Variants in HERC3 observed in about 807,000 individuals in gnomAD.
HERC3 encodes HECT and RLD domain containing E3 ubiquitin protein ligase 3.
Under a neutral mutation model 129.9 loss-of-function variants are expected in HERC3, and 58 were observed. The observed-to-expected ratio is 0.45, with a 90% confidence interval of 0.36 to 0.56. The LOEUF (loss-of-function observed/expected upper bound fraction) is 0.56, where lower values mean the gene tolerates loss of function less well. Among genes scored for constraint, HERC3 ranks in the 20% least tolerant of loss-of-function variants. The pLI is 0.00. For missense variants in HERC3, 835 were observed against 1,244.2 expected, an observed-to-expected ratio of 0.67 and a Z score of 4.95; for synonymous variants, 430 against 451.0, an observed-to-expected ratio of 0.95 and a Z score of 0.59.
chr4:88,628,434 G>GT lies in HERC3; in HGVS notation c.227-21397dup, dbSNP rs112392731. Reference sequence around the variant, plus strand: ...TTTTTCTACCTTTTATTTACAGTGGGTTTTTTTTTAAAAGGCAGCATATAG... The same window carrying GT: ...TTTTTCTACCTTTTATTTACAGTGGGTTTTTTTTTTAAAAGGCAGCATATAG... On this transcript the variant is annotated intron_variant, in intron 3 of 25. Coordinates refer to ENST00000402738, the MANE Select transcript of HERC3 (RefSeq NM_014606.3). Among the ~76,000 whole-genome samples, 415 of 151,050 alleles carry GT rather than the reference G, an allele frequency of 2.7e-3. 3 individuals are homozygous for GT. The highest frequency in any genetic ancestry group is 9.6e-3 in the African/African-American group (396 of 41,168).
chr4:88,704,863 C>CTTTCTTTTTTTT (rs1336673525), intron 25 of HERC3, among the ~76,000 whole-genome samples: 7,578 of 129,554 alleles, frequency 0.058, 277 homozygotes, highest in African/African-American at 0.078. Flanking sequence ...TTCTTTCTTT[C>CTTTCTTTTTTTT]TTTTTTTTTT....
At chr4:88,532,647 G>T in the HERC3 span, among the ~76,000 whole-genome samples, 4 of 152,084 alleles carry the variant, frequency 2.6e-5, no homozygotes, top group African/African-American at 9.7e-5. Flanking sequence ...GCTCAGTCAA[G>T]ATGTCACATA....
intron 13 of HERC3, 78 bp downstream of exon 13, chr4:88,667,566 G>A: frequency 1.3e-6 from 1 of 795,168 alleles, no homozygotes; most frequent in Non-Finnish European, 2.0e-6. Flanking sequence ...GAGAAAAAGA[G>A]TAAGATGAAA....
In HERC3 at chr4:88,687,213, A is replaced by G. The variant is rs753214220; in HGVS notation, c.2575-4A>G. On this transcript the variant is annotated splice_region_variant and splice_polypyrimidine_tract_variant and intron_variant, in intron 22 of 25. Coordinates refer to ENST00000402738, the MANE Select transcript of HERC3 (RefSeq NM_014606.3). ...AATATTTCTTTTTTCCACCTTAAAT[A>G]TAGATCTGCCGAGAAAGCTATGGAG... 4.4e-6 allele frequency: 7 copies of G among 1,605,738 alleles called. No individual in the cohort carries two copies. Among genetic ancestry groups the G allele is most frequent in the South Asian group, 3.3e-5 (3 of 90,158 alleles).
chr4:88,619,809 C>T (rs1725318162), intron 3 of HERC3, among the ~76,000 whole-genome samples: 2 of 152,110 alleles, frequency 1.3e-5, no homozygotes, highest in Admixed American at 6.5e-5. Flanking sequence ...CAAAGGAGTG[C>T]TTGCAAATGG....
At chr4:88,606,171 C>T (rs1442484868) in intron 3 of HERC3, 122 bp downstream of exon 3, 8 of 711,430 alleles carry the variant, frequency 1.1e-5, no homozygotes, top group East Asian at 5.4e-5. Flanking sequence ...CTCTTTTGAA[C>T]GGTGCAGGGA....
intron 23 of HERC3, among the ~76,000 whole-genome samples, chr4:88,689,739 G>GGCT (rs1733876256): frequency 1.3e-5 from 2 of 151,916 alleles, no homozygotes; most frequent in Non-Finnish European, 2.9e-5. Flanking sequence ...CACCATGCCT[G>GGCT]GCTAATTTTT....
chr4:88,556,696 C>T, the HERC3 span, among the ~76,000 whole-genome samples: 6 of 152,266 alleles, frequency 3.9e-5, no homozygotes, highest in Admixed American at 2.0e-4. Context: ...CCACCACAGC[C>T]ATCTTCCTCA....
chr4:88,632,184 G>A (rs1726849020), intron 3 of HERC3, among the ~76,000 whole-genome samples: 1 of 152,168 alleles, frequency 6.6e-6, no homozygotes, highest in Admixed American at 6.5e-5. Flanking sequence ...TCTGTGTTCT[G>A]CATGCGTGGA....
chr4:88,562,790 C>T, the HERC3 span, among the ~76,000 whole-genome samples: 2 of 152,054 alleles, frequency 1.3e-5, no homozygotes, highest in Non-Finnish European at 2.9e-5. Flanking sequence ...TTGATACTTT[C>T]GTGAAGAATG....
chr4:88,608,206 G>A (rs1723888141), intron 3 of HERC3, among the ~76,000 whole-genome samples: 1 of 152,110 alleles, frequency 6.6e-6, no homozygotes, highest in Admixed American at 6.6e-5. Flanking sequence ...TTGCCCATTG[G>A]AAAGAGGGCT....
intron 3 of HERC3, among the ~76,000 whole-genome samples, chr4:88,648,640 C>G (rs1251106780): frequency 6.6e-6 from 1 of 152,092 alleles, no homozygotes; most frequent in Non-Finnish European, 1.5e-5. Context: ...TCTGAAATTT[C>G]AAGATGAAGG....
At chr4:88,665,822 A>G (rs1368892046) in intron 12 of HERC3, among the ~76,000 whole-genome samples, 1 of 152,142 alleles carries the variant, frequency 6.6e-6, no homozygotes, top group Non-Finnish European at 1.5e-5. Context: ...CACACAATTC[A>G]TTTCATATTT....
At chr4:88,602,833 T>G (rs895385857) in intron 2 of HERC3, among the ~76,000 whole-genome samples, 3 of 152,178 alleles carry the variant, frequency 2.0e-5, no homozygotes, top group African/African-American at 7.2e-5. Context: ...CGATGCTGAT[T>G]AGAGATTTAG....
intron 1 of HERC3, among the ~76,000 whole-genome samples, chr4:88,592,877 G>C (rs1457432162): frequency 1.3e-5 from 2 of 151,954 alleles, no homozygotes; most frequent in African/African-American, 2.4e-5. Flanking sequence ...TTCAAAATGG[G>C]AGCGCCTCCC....
chr4:88,630,098 A>G (rs531051788), intron 3 of HERC3, among the ~76,000 whole-genome samples: 1 of 152,308 alleles, frequency 6.6e-6, no homozygotes, highest in Admixed American at 6.5e-5. Context: ...CTGAGTGAGA[A>G]TAAATCTTCT....
chr4:88,595,249 A>G (rs562266048), intron 1 of HERC3, among the ~76,000 whole-genome samples: 31 of 152,282 alleles, frequency 2.0e-4, no homozygotes, highest in Admixed American at 6.5e-4. Flanking sequence ...TCTAACAAAA[A>G]TGGGAGATTT....
chr4:88,590,703 C>T (rs533672274), upstream of HERC3, among the ~76,000 whole-genome samples: 3 of 152,186 alleles, frequency 2.0e-5, no homozygotes, highest in Non-Finnish European at 2.9e-5. Flanking sequence ...TTGCAAGTAC[C>T]GGACTCCTTC....
chr4:88,686,060 G>A (rs994359553), intron 21 of HERC3, among the ~76,000 whole-genome samples: 1 of 152,032 alleles, frequency 6.6e-6, no homozygotes, highest in Non-Finnish European at 1.5e-5. Context: ...CAGAGATAAT[G>A]TATTTTTATG....
Sources: gnomAD v4.1 joint callset for allele counts (sites outside exome capture counted in the v4.1 genomes callset) on GRCh38, gnomAD v4.1.1 for gene constraint, MANE v1.5 for transcripts, NCBI Gene and HGNC (gene_info 2026-07-23, HGNC 2026-07-21) for gene names.